The following FAM234B variants were observed in gnomAD, a reference collection of about 807,000 sequenced individuals.
The protein encoded by FAM234B is protein FAM234B.
FAM234B carries 33 observed loss-of-function variants against 69.3 expected under a neutral mutation model. That is an observed-to-expected ratio of 0.48 (90% confidence interval 0.36 to 0.64). FAM234B has a LOEUF of 0.64. FAM234B is among the 30% of genes least tolerant of loss of function. The probability of loss-of-function intolerance (pLI) is 0.00; values close to 1 mark genes in which losing one functional copy is unlikely to be tolerated. For synonymous variants in FAM234B, 306 were observed against 306.9 expected, an observed-to-expected ratio of 1.00 and a Z score of 0.03; for missense variants, 697 against 769.7, an observed-to-expected ratio of 0.91 and a Z score of 1.12.
At chr12:13,069,327 AT>A (rs921491808) in intron 9 of FAM234B, among the ~76,000 whole-genome samples, 3 of 151,702 alleles carry the variant, frequency 2.0e-5, no homozygotes, top group East Asian at 1.9e-4. Context: ...CAGAGTTACA[AT>A]TTTTTTTTAT....
At chr12:13,056,282 T>C (rs2120458612) in intron 2 of FAM234B, among the ~76,000 whole-genome samples, 1 of 152,252 alleles carries the variant, frequency 6.6e-6, no homozygotes. Flanking sequence ...AAAAGCAAGG[T>C]TCAAGGCCTG....
chr12:13,063,086 G>A (rs1315612347), intron 5 of FAM234B, 111 bp downstream of exon 5: 17 of 1,293,436 alleles, frequency 1.3e-5, no homozygotes, highest in Non-Finnish European at 1.8e-5. Flanking sequence ...CTTTTTACAA[G>A]GGTTTAGGTT....
intron 1 of FAM234B, among the ~76,000 whole-genome samples, chr12:13,045,543 C>T (rs974410162): frequency 6.6e-6 from 1 of 152,144 alleles, no homozygotes; most frequent in African/African-American, 2.4e-5. Context: ...TACCCTGAAG[C>T]GAACCTTGCC....
In FAM234B at chr12:13,058,541, G is replaced by A; in HGVS notation, c.524G>A (p.Ser175Asn). ...TCCTTTGTGATGTCAAGGAACGGGA[G>A]TGCAGTAGGTAAGAGACGTGTTTTT... ...LLSFVMSRNG[S>N]AVGVSRPAAN... The change falls in exon 3 of 13, where the codon AGT (serine) becomes AAT (asparagine). Residue 175 changes from serine (S) to asparagine (N), a missense_variant. Ser to Asn is a conservative substitution (Grantham distance 46). Coordinates refer to ENST00000197268, the MANE Select transcript of FAM234B (RefSeq NM_020853.2). 1 of 1,611,328 alleles carries A rather than the reference G, an allele frequency of 6.2e-7. No individual in the cohort carries two copies. Among genetic ancestry groups the A allele is most frequent in the Non-Finnish European group, 8.5e-7 (1 of 1,179,550 alleles).
intron 1 of FAM234B, among the ~76,000 whole-genome samples, chr12:13,052,690 TA>T (rs1366206331): frequency 6.6e-6 from 1 of 151,860 alleles, no homozygotes; most frequent in Non-Finnish European, 1.5e-5. Flanking sequence ...AATTACACAG[TA>T]TTGCCTTTTT....
chr12:13,071,204 G>T (rs749949835), intron 9 of FAM234B, 37 bp from the exon 10 acceptor site: 174 of 1,608,700 alleles, frequency 1.1e-4, no homozygotes, highest in Non-Finnish European at 1.4e-4. Flanking sequence ...CTTTTTTGAG[G>T]CCTGGCCATG....
chr12:13,049,388 C>T (rs553379092), intron 1 of FAM234B, among the ~76,000 whole-genome samples: 13 of 152,304 alleles, frequency 8.5e-5, no homozygotes, highest in South Asian at 8.3e-4. Context: ...CCACGTTGGC[C>T]GGGCTGGTCT....
At chr12:13,075,158 A>G (rs1304969307) in intron 10 of FAM234B, among the ~76,000 whole-genome samples, 1 of 152,200 alleles carries the variant, frequency 6.6e-6, no homozygotes, top group Non-Finnish European at 1.5e-5. Context: ...TTTGTTTTAT[A>G]ATTGATGATT....
At chr12:13,066,471 C>A (rs1348771466) in intron 5 of FAM234B, among the ~76,000 whole-genome samples, 169 bp from the exon 6 acceptor site, 1 of 152,172 alleles carries the variant, frequency 6.6e-6, no homozygotes, top group African/African-American at 2.4e-5. Context: ...GCTTCACTTG[C>A]TTACTTGCAG....
At chr12:13,049,151 C>T (rs1031962710) in intron 1 of FAM234B, among the ~76,000 whole-genome samples, 13 of 152,198 alleles carry the variant, frequency 8.5e-5, no homozygotes, top group Non-Finnish European at 1.8e-4. Flanking sequence ...AATGTGTCTA[C>T]CTCACATAGT....
chr12:13,066,912 G>C, intron 6 of FAM234B, 125 bp downstream of exon 6: 2 of 1,133,840 alleles, frequency 1.8e-6, no homozygotes, highest in East Asian at 2.5e-5. Flanking sequence ...TCTAATGCAG[G>C]GGCCTCTTAC....
In FAM234B at chr12:13,067,700, T is replaced by C. The variant is rs1025608536; in HGVS notation, c.1142+404T>C. On this transcript the variant is annotated intron_variant, in intron 7 of 12. Transcript: ENST00000197268. The surrounding 1 kb of genome is among the most constrained non-coding windows in gnomAD (Gnocchi z 4.7). Reference sequence around the variant, plus strand: ...CAAGGATAGTGTCCATGAAATCTTATTTTTTATTTTTATTTATTTCCTAAC... The same window carrying C: ...CAAGGATAGTGTCCATGAAATCTTACTTTTTATTTTTATTTATTTCCTAAC... Among the ~76,000 whole-genome samples, 1 of 152,228 alleles carries C rather than the reference T, an allele frequency of 6.6e-6. No homozygotes were observed. Among genetic ancestry groups the C allele is most frequent in the African/African-American group, 2.4e-5 (1 of 41,452 alleles).
In FAM234B at chr12:13,055,591, C is replaced by A. The variant is rs150711148; in HGVS notation, c.78C>A (p.Thr26=). The part of the protein sequence containing the change: ...SPDLGEYDPL[T]QADSDESEDD... The stretch of plus-strand genomic sequence containing the variant: ...ACCTAGGGGAGTATGATCCACTTAC[C>A]CAGGCTGACAGTGATGAGAGCGAAG... The change falls in exon 2 of 13, where the codon ACC becomes ACA. Residue 26 remains threonine, a synonymous_variant. Transcript: ENST00000197268. 1.9e-5 allele frequency: 30 copies of A among 1,611,856 alleles called. No homozygotes were observed. Among genetic ancestry groups the A allele is most frequent in the Non-Finnish European group, 2.5e-5 (29 of 1,178,228 alleles).
At chr12:13,048,295 G>A (rs1864833858) in intron 1 of FAM234B, among the ~76,000 whole-genome samples, 1 of 152,186 alleles carries the variant, frequency 6.6e-6, no homozygotes. Context: ...CCTGTCATTA[G>A]TGACTTGATT....
intron 1 of FAM234B, among the ~76,000 whole-genome samples, chr12:13,051,413 C>T (rs1052717321): frequency 6.6e-6 from 1 of 152,070 alleles, no homozygotes; most frequent in African/African-American, 2.4e-5. Flanking sequence ...AATTTGATGT[C>T]GATGCTAAAT....
rs190068067 is a variant in FAM234B, at chr12:13,075,999, C to T, written c.1525-27C>T. 2,717 of 1,528,146 alleles carry T rather than the reference C, an allele frequency of 1.8e-3. 9 individuals carry two copies. The highest frequency in any genetic ancestry group is 2.0e-3 in the Non-Finnish European group (2,214 of 1,101,842). 94.7% of individuals were successfully genotyped at this position (1,528,146 alleles called of 1,614,324 possible). On this transcript the variant is annotated intron_variant, in intron 10 of 12. Coordinates refer to ENST00000197268, the MANE Select transcript of FAM234B (RefSeq NM_020853.2). ...GTGTGGGAATGTAGCGTTACCTTTG[C>T]TCTTCCTTTTTGCTGCTTATTATCA... is the stretch of plus-strand genomic sequence containing the variant.
At chr12:13,073,663 G>T (rs941756749) in intron 10 of FAM234B, among the ~76,000 whole-genome samples, 1 of 70,694 alleles carries the variant, frequency 1.4e-5, no homozygotes, top group African/African-American at 3.3e-5. Context: ...GCTGTTGTCT[G>T]CAGCTAATAT....
chr12:13,067,303 C>T lies in FAM234B; in HGVS notation c.1142+7C>T. The T allele has an allele frequency of 2.5e-6, 4 of 1,613,886 alleles. No homozygotes were observed. The highest frequency in any genetic ancestry group is 2.7e-5 in the African/African-American group (2 of 75,056). On this transcript the variant is annotated splice_region_variant and intron_variant, in intron 7 of 12. Transcript: ENST00000197268. The surrounding 1 kb of genome is among the most constrained non-coding windows in gnomAD (Gnocchi z 4.7). ...AGCTCATTGATGTTTACAGGTAGGG[C>T]AGACGTCTGTCCTTGGTCACAGTGA...
In FAM234B at chr12:13,062,217, A is replaced by G. The variant is rs79949210; in HGVS notation, c.721+454A>G. ...ACTGCATTCAGACATACATGACAAA[A>G]GGGAATGAAAAAGAATAACATGTCC... On this transcript the variant is annotated intron_variant, in intron 4 of 12. Transcript: ENST00000197268. The G allele has an allele frequency of 1.0e-4, 16 of 159,418 alleles. No individual in the cohort carries two copies. In the East Asian group the frequency reaches 3.0e-3, roughly 29 times the overall value. 9.9% of individuals were successfully genotyped at this position (159,418 alleles called of 1,614,324 possible). A position where few individuals can be genotyped will look rare whatever the true frequency, so the allele number is the denominator to read the frequency against.
Sources: gnomAD v4.1 joint callset for allele counts (sites outside exome capture counted in the v4.1 genomes callset) on GRCh38, gnomAD v4.1.1 for gene constraint, Gnocchi (gnomAD v3.1) non-coding constraint, MANE v1.5 for transcripts, NCBI Gene and HGNC (gene_info 2026-07-23, HGNC 2026-07-21) for gene names.